Variants in LUC7L2 observed in about 807,000 individuals in gnomAD.
The protein encoded by LUC7L2 is LUC7 like 2, pre-mRNA splicing factor, also known as putative RNA-binding protein Luc7-like 2.
LUC7L2 carries 25 observed loss-of-function variants against 52.8 expected under a neutral mutation model. The observed-to-expected ratio is 0.47, with a 90% CI of 0.34 to 0.66. The LOEUF is 0.66. Ranked by LOEUF, LUC7L2 falls within the 30% of genes least tolerant of loss-of-function variation. LUC7L2 has a pLI of 0.01. For missense variants in LUC7L2, 328 were observed against 497.8 expected (o/e 0.66, Z 3.25); for synonymous variants, 144 against 160.9 (o/e 0.89, Z 0.80).
At chr7:139,374,407 T>C in intron 1 of LUC7L2, 1 of 1,550,688 alleles carries the variant, frequency 6.4e-7, no homozygotes, top group Non-Finnish European at 8.7e-7. Flanking sequence ...AAAGGTTCAA[T>C]GTATCTATGC....
chr7:139,408,422 A>G (rs2131296782), intron 6 of LUC7L2, among the ~76,000 whole-genome samples: 1 of 152,340 alleles, frequency 6.6e-6, no homozygotes, highest in East Asian at 1.9e-4. Context: ...ATATTTCCAT[A>G]TTAGAAATCA....
chr7:139,413,215 G>C (rs1325445244), intron 8 of LUC7L2, among the ~76,000 whole-genome samples: 1 of 152,148 alleles, frequency 6.6e-6, no homozygotes, highest in African/African-American at 2.4e-5. Flanking sequence ...TTTGCTAGTT[G>C]CTGATACATT....
chr7:139,366,518 GTTTTAGA>G (rs1800162124), intron 1 of LUC7L2, among the ~76,000 whole-genome samples: 1 of 152,162 alleles, frequency 6.6e-6, no homozygotes, highest in African/African-American at 2.4e-5. Flanking sequence ...TTGAAGGTAT[GTTTTAGA>G]TCAGGGACTG....
chr7:139,369,861 T>A (rs6974324), intron 1 of LUC7L2, among the ~76,000 whole-genome samples: 23 of 152,318 alleles, frequency 1.5e-4, no homozygotes, highest in African/African-American at 5.5e-4. Context: ...TGGGACCATA[T>A]GAACCAGAAG....
upstream of LUC7L2, among the ~76,000 whole-genome samples, chr7:139,355,414 C>T (rs769401717): frequency 6.6e-6 from 1 of 151,840 alleles, no homozygotes; most frequent in Non-Finnish European, 1.5e-5. Flanking sequence ...GAAAAGACTT[C>T]ATATGTGAGA....
chr7:139,370,880 A>ATGAAGGGAAGAAAT (rs1554388636), intron 1 of LUC7L2, among the ~76,000 whole-genome samples: 1 of 151,910 alleles, frequency 6.6e-6, no homozygotes, highest in African/African-American at 2.4e-5. Flanking sequence ...GTTGGAAGAA[A>ATGAAGGGAAGAAAT]TGGAGGGAAA....
chr7:139,412,463 A>G (rs1045212272), intron 7 of LUC7L2, 88 bp from the exon 8 acceptor site: 2 of 1,478,906 alleles, frequency 1.4e-6, no homozygotes, highest in South Asian at 2.6e-5. Flanking sequence ...TAATGTAAAC[A>G]TTAGAAATCA....
chr7:139,342,902 A>G (rs1270964912), intron 1 of LUC7L2, among the ~76,000 whole-genome samples: 1 of 152,240 alleles, frequency 6.6e-6, no homozygotes, highest in African/African-American at 2.4e-5. Context: ...GCACTTGAGC[A>G]TAGGGGAAAT....
chr7:139,391,328 G>T (rs1794439947), intron 2 of LUC7L2, among the ~76,000 whole-genome samples: 1 of 152,080 alleles, frequency 6.6e-6, no homozygotes, highest in African/African-American at 2.4e-5. Context: ...TTTTGTTCAG[G>T]ATCTGGTTCT....
At chr7:139,340,684 C>T (rs12056045) in intron 1 of LUC7L2, 44 of 393,378 alleles carry the variant, frequency 1.1e-4, no homozygotes, top group Middle Eastern at 6.4e-4. Context: ...GTTGTGTGAG[C>T]GCGTCGTTTG....
intron 7 of LUC7L2, among the ~76,000 whole-genome samples, 173 bp downstream of exon 7, chr7:139,409,827 C>G (rs760960723): frequency 6.6e-6 from 1 of 152,176 alleles, no homozygotes; most frequent in Admixed American, 6.6e-5. Context: ...ATACAAGTAT[C>G]GTAACTCTTG....
At chr7:139,375,449 T>C (rs1243866644) in intron 1 of LUC7L2, 2 of 985,328 alleles carry the variant, frequency 2.0e-6, no homozygotes, top group Admixed American at 6.2e-5. Context: ...TGTAAGTCCT[T>C]CTTCCAGGTT....
chr7:139,400,029 T>A (rs1479100238), intron 3 of LUC7L2, among the ~76,000 whole-genome samples: 2 of 152,190 alleles, frequency 1.3e-5, no homozygotes, highest in Non-Finnish European at 2.9e-5. Context: ...AACAAACAGG[T>A]CCTCTTGTCT....
At chr7:139,404,792 C>T (rs976494886) in intron 4 of LUC7L2, among the ~76,000 whole-genome samples, 16 of 152,114 alleles carry the variant, frequency 1.1e-4, no homozygotes, top group African/African-American at 2.7e-4. Context: ...AGGGTACATA[C>T]GAGGCTTATT....
chr7:139,394,470 C>T (rs1191856804), intron 2 of LUC7L2, among the ~76,000 whole-genome samples: 1 of 152,144 alleles, frequency 6.6e-6, no homozygotes, highest in Admixed American at 6.5e-5. Flanking sequence ...TACATAGTTG[C>T]TTTTCTTCCT....
intron 8 of LUC7L2, among the ~76,000 whole-genome samples, chr7:139,414,349 A>G (rs1354500165): frequency 6.6e-6 from 1 of 152,252 alleles, no homozygotes; most frequent in African/African-American, 2.4e-5. Context: ...AGATACACTA[A>G]TGATAACTGA....
chr7:139,418,537 C>T (rs1461601583), intron 9 of LUC7L2, among the ~76,000 whole-genome samples: 2 of 152,172 alleles, frequency 1.3e-5, no homozygotes, highest in African/African-American at 2.4e-5. Context: ...ACTAGTCTTA[C>T]ATATTCTGTG....
At chr7:139,420,311 C>T (rs936709952) in intron 9 of LUC7L2, among the ~76,000 whole-genome samples, 3 of 152,146 alleles carry the variant, frequency 2.0e-5, no homozygotes, top group African/African-American at 7.2e-5. Context: ...TCAAGCGATT[C>T]TTTTGCCTCG....
intron 2 of LUC7L2, among the ~76,000 whole-genome samples, chr7:139,376,504 A>C (rs1204441206): frequency 2.0e-5 from 3 of 152,240 alleles, no homozygotes; most frequent in African/African-American, 7.2e-5. Context: ...ACTTTTATCT[A>C]GTACGGTATA....
Sources: allele counts gnomAD v4.1 joint callset (sites outside exome capture counted in the v4.1 genomes callset), GRCh38; gene constraint gnomAD v4.1.1; transcripts MANE v1.5; gene names NCBI Gene and HGNC (gene_info 2026-07-23, HGNC 2026-07-21).